The following LIPT2 variants were observed in gnomAD, a reference collection of about 807,000 sequenced individuals.
LIPT2 encodes lipoyl(octanoyl) transferase 2.
LIPT2 carries 16 observed loss-of-function variants against 16.2 expected under a neutral mutation model. The observed-to-expected ratio is 0.99, with a 90% CI of 0.67 to 1.50. The LOEUF (loss-of-function observed/expected upper bound fraction) is 1.50. Among genes scored for constraint, LIPT2 ranks in the 40% most tolerant of loss-of-function variants. The pLI, the probability that LIPT2 is intolerant of heterozygous loss-of-function variation, is 0.00. For synonymous variants in LIPT2, 199 were observed against 169.3 expected (o/e 1.18, Z -1.36); for missense variants, 424 against 347.7 (o/e 1.22, Z -1.75).
Position 74,491,652 on chromosome 11 carries a change from T to C in LIPT2, c.*483A>G, listed in dbSNP as rs139456875. ...AGAAGGTTCTTCCCTTTTCCCTTTA[T>C]TGCAGAAAGAACCCAGGTCTCTTGA... On this transcript the variant is annotated 3_prime_UTR_variant, in exon 2 of 2. Coordinates refer to ENST00000310109, the MANE Select transcript of LIPT2 (RefSeq NM_001144869.3). 221 of 154,772 alleles carry C rather than the reference T, an allele frequency of 1.4e-3. No homozygotes were observed. Among genetic ancestry groups the C allele is most frequent in the Non-Finnish European group, 1.9e-3 (129 of 69,662 alleles). 9.6% of individuals were successfully genotyped at this position (154,772 alleles called of 1,614,324 possible). A position where few individuals can be genotyped will look rare whatever the true frequency, so the allele number is the denominator to read the frequency against.
Position 74,493,630 on chromosome 11 carries a change from C to T in LIPT2, c.74G>A (p.Arg25His), listed in dbSNP as rs1470529729. Residue 25 changes from arginine to histidine, a missense_variant, in exon 1 of 2, where the codon CGC becomes CAC. Transcript: ENST00000310109. The stretch of plus-strand genomic sequence containing the variant: ...CTCGGCCTGCAGCCGCCGCAGCCAG[C>T]GGTCCTGCAGCCCCAGTAGCTCGGC... ...PYAELLGLQD[R>H]WLRRLQAEPG... The T allele has an allele frequency of 9.2e-5, 134 of 1,457,416 alleles. No individual in the cohort carries two copies. The highest frequency in any genetic ancestry group is 1.2e-4 in the Non-Finnish European group (129 of 1,110,978). The allele number at this position is 1,457,416 out of a possible 1,614,324, so 90.3% of individuals were successfully genotyped here.
Position 74,491,877 on chromosome 11 carries a change from G to T in LIPT2, c.*258C>A. 2.2e-6 allele frequency: 1 copy of T among 457,474 alleles called. No homozygotes were observed. Among genetic ancestry groups the T allele is most frequent in the Non-Finnish European group, 4.0e-6 (1 of 248,736 alleles). The allele number at this position is 457,474 out of a possible 1,614,324, so 28.3% of individuals were successfully genotyped here. A position where few individuals can be genotyped will look rare whatever the true frequency, so the allele number is the denominator to read the frequency against. ...ATCTGAATTTCTCTGAGACACTGCT[G>T]TCAATAGCAGTGCTAATGTTTTATA... On this transcript the variant is annotated 3_prime_UTR_variant, in exon 2 of 2. Coordinates refer to ENST00000310109, the MANE Select transcript of LIPT2 (RefSeq NM_001144869.3).
At chr11:74,492,539 G>A (rs1031418414) in intron 1 of LIPT2, among the ~76,000 whole-genome samples, 175 bp from the exon 2 acceptor site, 3 of 101,852 alleles carry the variant, frequency 2.9e-5, no homozygotes, top group African/African-American at 8.9e-5. Flanking sequence ...GAAGGGGTGC[G>A]TGGCTTCAAG....
Position 74,492,071 on chromosome 11 carries a change from AG to A in LIPT2, c.*63del. On this transcript the variant is annotated 3_prime_UTR_variant, in exon 2 of 2. Coordinates refer to ENST00000310109, the MANE Select transcript of LIPT2 (RefSeq NM_001144869.3). ...CCAGGTCTAAAATCTGGGTTTCAGT[AG>A]GTGACTCAAGTCAGACTTCATGCTT... 7.7e-7 allele frequency: 1 copy of A among 1,296,946 alleles called. No individual in the cohort carries two copies. The highest frequency in any genetic ancestry group is 1.1e-6 in the Non-Finnish European group (1 of 918,170). 80.3% of individuals were successfully genotyped at this position (1,296,946 alleles called of 1,614,324 possible).
chr11:74,493,650 C>T lies in LIPT2; in HGVS notation c.54G>A (p.Glu18=), dbSNP rs1336903624. 1.4e-6 allele frequency: 2 copies of T among 1,454,036 alleles called. No individual in the cohort carries two copies. The highest frequency in any genetic ancestry group is 2.6e-5 in the Admixed American group (1 of 38,566). 90.1% of individuals were successfully genotyped at this position (1,454,036 alleles called of 1,614,324 possible). ...GCCAGCGGTCCTGCAGCCCCAGTAG[C>T]TCGGCGTACGGCACCCGACCCAGGC... ...LVRLGRVPYA[E]LLGLQDRWLR... Residue 18 remains glutamate, a synonymous_variant, in exon 1 of 2, where the codon GAG becomes GAA. Coordinates refer to ENST00000310109, the MANE Select transcript of LIPT2 (RefSeq NM_001144869.3).
In LIPT2 at chr11:74,493,663, AC is replaced by A; in HGVS notation, c.40del (p.Val14CysfsTer52). The A allele has an allele frequency of 7.0e-7, 1 of 1,432,274 alleles. No individual in the cohort carries two copies. Among genetic ancestry groups the A allele is most frequent in the Non-Finnish European group, 9.1e-7 (1 of 1,098,626 alleles). The allele number at this position is 1,432,274 out of a possible 1,614,324, so 88.7% of individuals were successfully genotyped here. ...CAGCCCCAGTAGCTCGGCGTACGGC[AC>A]CCGACCCAGGCGCACCAACCGAACG... ...PAVRLVRLGR[V>X]PYAELLGLQD... On this transcript the variant is annotated frameshift_variant, in exon 1 of 2. Transcript: ENST00000310109. LOFTEE classifies it high-confidence loss of function.
Position 74,493,514 on chromosome 11 carries a change from C to T in LIPT2, c.190G>A (p.Gly64Ser). 3 of 1,423,668 alleles carry T rather than the reference C, an allele frequency of 2.1e-6. No homozygotes were observed. Among genetic ancestry groups the T allele is most frequent in the Middle Eastern group, 2.4e-4 (1 of 4,150 alleles). The allele number at this position is 1,423,668 out of a possible 1,614,324, so 88.2% of individuals were successfully genotyped here. ...CGCGCAGTTTCCTCGGGCGTCAGGC[C>T]GCCGCGCAGCCCGGCCGTATACACG... Reference protein sequence around the residue: ...GPVYTAGLRGGLTPEETARLR... With the variant: ...GPVYTAGLRGSLTPEETARLR... Residue 64 changes from glycine (G) to serine (S), a missense_variant, in exon 1 of 2, where the codon GGC (glycine) becomes AGC (serine). Coordinates refer to ENST00000310109, the MANE Select transcript of LIPT2 (RefSeq NM_001144869.3).
At position 74,493,675 on chromosome 11, in the gene LIPT2, C is replaced by T. The variant is rs556366788; in HGVS notation, c.29G>A (p.Arg10His). The T allele has an allele frequency of 2.8e-6, 4 of 1,411,758 alleles. No homozygotes were observed. Among genetic ancestry groups the T allele is most frequent in the Admixed American group, 3.2e-5 (1 of 31,634 alleles). 87.5% of individuals were successfully genotyped at this position (1,411,758 alleles called of 1,614,324 possible). A position where few individuals can be genotyped will look rare whatever the true frequency, so the allele number is the denominator to read the frequency against. The change falls in exon 1 of 2, where the codon CGC becomes CAC. Residue 10 changes from arginine (R) to histidine (H), a missense_variant. By Grantham distance (29) the Arg-to-His change is conservative. Coordinates refer to ENST00000310109, the MANE Select transcript of LIPT2 (RefSeq NM_001144869.3). ...CTCGGCGTACGGCACCCGACCCAGG[C>T]GCACCAACCGAACGGCGGGTTGCCG... MRQPAVRLV[R>H]LGRVPYAELL...
chr11:74,491,986 T>G lies in LIPT2; in HGVS notation c.*149A>C, dbSNP rs1864345568. On this transcript the variant is annotated 3_prime_UTR_variant, in exon 2 of 2. Transcript: ENST00000310109. ...AGATATAAATAAAACAGGATACATATGAAAATAGTGGCTCAGAGCTCATGG... is the reference window on the plus strand; with the variant it reads ...AGATATAAATAAAACAGGATACATAGGAAAATAGTGGCTCAGAGCTCATGG... 6.5e-6 allele frequency: 4 copies of G among 616,020 alleles called. No individual in the cohort carries two copies. The highest frequency in any genetic ancestry group is 1.2e-5 in the Non-Finnish European group (4 of 343,028). The allele number at this position is 616,020 out of a possible 1,614,324, so 38.2% of individuals were successfully genotyped here.
Position 74,491,935 on chromosome 11 carries a change from T to G in LIPT2, c.*200A>C. ...TGTTGCTTTTCACAGTATTGTCACA[T>G]CTAGTATCTCTGAGGTAGGTGGGGA... On this transcript the variant is annotated 3_prime_UTR_variant, in exon 2 of 2. Transcript: ENST00000310109. 1 of 579,096 alleles carries G rather than the reference T, an allele frequency of 1.7e-6. No homozygotes were observed. Among genetic ancestry groups the G allele is most frequent in the Non-Finnish European group, 3.1e-6 (1 of 322,698 alleles). The allele number at this position is 579,096 out of a possible 1,614,324, so 35.9% of individuals were successfully genotyped here.
At position 74,491,490 on chromosome 11, in the gene LIPT2, G is replaced by C. The variant is rs962236516; in HGVS notation, c.*645C>G. Among the ~76,000 whole-genome samples, 1 of 152,174 alleles carries C rather than the reference G, an allele frequency of 6.6e-6. No homozygotes were observed. The highest frequency in any genetic ancestry group is 1.5e-5 in the Non-Finnish European group (1 of 68,022). On this transcript the variant is annotated 3_prime_UTR_variant, in exon 2 of 2. Transcript: ENST00000310109. ...ATAAGAAAAACTCACTTCTATCTTT[G>C]GCATTTGTACAGTGTGAGAAATTAT...
rs1302274724 is a variant in LIPT2 at position 74,493,305 on chromosome 11, C to T, written c.399G>A (p.Gln133=). The T allele has an allele frequency of 1.4e-6, 2 of 1,441,638 alleles. No homozygotes were observed. The highest frequency in any genetic ancestry group is 9.1e-7 in the Non-Finnish European group (1 of 1,100,178). The allele number at this position is 1,441,638 out of a possible 1,614,324, so 89.3% of individuals were successfully genotyped here. A position where few individuals can be genotyped will look rare whatever the true frequency, so the allele number is the denominator to read the frequency against. ...AGGGCGGGGGCCGCGCGCGGGCGTC[C>T]TGCAGGCCCTGGAGCTCGCACAGGC... ...AVRLCELQGL[Q]DARARPPPYT... The change falls in exon 1 of 2, where the codon CAG becomes CAA. Residue 133 remains glutamine (Q), a synonymous_variant. Transcript: ENST00000310109.
In LIPT2 at chr11:74,493,512, G is replaced by T. The variant is rs1163313305; in HGVS notation, c.192C>A (p.Gly64=). 2.8e-6 allele frequency: 4 copies of T among 1,425,316 alleles called. No individual in the cohort carries two copies. Among genetic ancestry groups the T allele is most frequent in the Non-Finnish European group, 3.7e-6 (4 of 1,095,572 alleles). 88.3% of individuals were successfully genotyped at this position (1,425,316 alleles called of 1,614,324 possible). A position where few individuals can be genotyped will look rare whatever the true frequency, so the allele number is the denominator to read the frequency against. The change falls in exon 1 of 2, where the codon GGC becomes GGA. Residue 64 remains glycine, a synonymous_variant. Transcript: ENST00000310109. ...GPVYTAGLRG[G]LTPEETARLR... is the part of the protein sequence containing the mutation. ...GCCGCGCAGTTTCCTCGGGCGTCAG[G>T]CCGCCGCGCAGCCCGGCCGTATACA... is the stretch of plus-strand genomic sequence containing the variant.
rs923100915 is a variant in LIPT2 at position 74,493,338 on chromosome 11, G to A, written c.366C>T (p.Cys122=). Reference sequence around the variant, plus strand: ...CCTGGAGCTCGCACAGGCGCACGGCGCACGCCTCCAGCGACGCTACGTGCA... The same window carrying A: ...CCTGGAGCTCGCACAGGCGCACGGCACACGCCTCCAGCGACGCTACGTGCA... ...LRMHVASLEA[C]AVRLCELQGL... The change falls in exon 1 of 2, where the codon TGC becomes TGT. Residue 122 remains cysteine (C), a synonymous_variant. Coordinates refer to ENST00000310109, the MANE Select transcript of LIPT2 (RefSeq NM_001144869.3). 1.3e-6 allele frequency: 2 copies of A among 1,496,542 alleles called. No homozygotes were observed. The highest frequency in any genetic ancestry group is 2.7e-5 in the East Asian group (1 of 37,126). 92.7% of individuals were successfully genotyped at this position (1,496,542 alleles called of 1,614,324 possible). A position where few individuals can be genotyped will look rare whatever the true frequency, so the allele number is the denominator to read the frequency against.
rs1319289592 is a variant in LIPT2 at position 74,491,537 on chromosome 11, T to C, written c.*598A>G. Among the ~76,000 whole-genome samples the C allele has an allele frequency of 6.6e-6, 1 of 152,262 alleles. No individual in the cohort carries two copies. Among genetic ancestry groups the C allele is most frequent in the Admixed American group, 6.5e-5 (1 of 15,290 alleles). Reference sequence around the variant, plus strand: ...TTATTCTTATCCTTCCTCCAGTCTTTGGCCTAGCTCAGGGTAACCCAACTA... The same window carrying C: ...TTATTCTTATCCTTCCTCCAGTCTTCGGCCTAGCTCAGGGTAACCCAACTA... On this transcript the variant is annotated 3_prime_UTR_variant, in exon 2 of 2. Coordinates refer to ENST00000310109, the MANE Select transcript of LIPT2 (RefSeq NM_001144869.3).
Position 74,493,409 on chromosome 11 carries a change from A to G in LIPT2, c.295T>C (p.Cys99Arg). ...ATFHGPGQLL[C>R]HPVLDLRRLG... ...CGCCGCAGGTCGAGTACCGGGTGGC[A>G]AAGCAGCTGGCCCGGGCCGTGGAAG... The change falls in exon 1 of 2, where the codon TGC (cysteine) becomes CGC (arginine). Residue 99 changes from cysteine to arginine, a missense_variant. Physicochemically the swap from Cys to Arg is radical, Grantham distance 180. Coordinates refer to ENST00000310109, the MANE Select transcript of LIPT2 (RefSeq NM_001144869.3). 6.6e-7 allele frequency: 1 copy of G among 1,516,124 alleles called. No homozygotes were observed. The highest frequency in any genetic ancestry group is 8.8e-7 in the Non-Finnish European group (1 of 1,139,214). The allele number at this position is 1,516,124 out of a possible 1,614,324, so 93.9% of individuals were successfully genotyped here.
chr11:74,492,293 C>T lies in LIPT2; in HGVS notation c.538G>A (p.Glu180Lys). ...LNCSTDLTWF[E>K]HIVPCGLVGT... ...ACCAGTCCACAGGGCACGATGTGCTCAAACCACGTGAGGTCGGTAGAGCAG... is the reference window on the plus strand; with the variant it reads ...ACCAGTCCACAGGGCACGATGTGCTTAAACCACGTGAGGTCGGTAGAGCAG... Residue 180 changes from glutamate (E) to lysine (K), a missense_variant, in exon 2 of 2, where the codon GAG becomes AAG. Physicochemically the swap from Glu to Lys is moderately conservative, Grantham distance 56. Transcript: ENST00000310109. 6.4e-7 allele frequency: 1 copy of T among 1,551,784 alleles called. No individual in the cohort carries two copies. Among genetic ancestry groups the T allele is most frequent in the East Asian group, 2.4e-5 (1 of 40,914 alleles).
Position 74,490,929 on chromosome 11 carries a change from C to G in LIPT2, c.*1206G>C, listed in dbSNP as rs1435198309. 2.6e-5 allele frequency among the ~76,000 whole-genome samples: 4 copies of G among 152,188 alleles called. No individual in the cohort carries two copies. Among genetic ancestry groups the G allele is most frequent in the African/African-American group, 9.7e-5 (4 of 41,438 alleles). ...CGAGGCTCTTTCCACTCTTAATAGG[C>G]TGTGGTGGCCATTCTTCAAGATGGC... On this transcript the variant is annotated 3_prime_UTR_variant, in exon 2 of 2. Coordinates refer to ENST00000310109, the MANE Select transcript of LIPT2 (RefSeq NM_001144869.3).
At position 74,493,446 on chromosome 11, in the gene LIPT2, A is replaced by T; in HGVS notation, c.258T>A (p.Gly86=). 6.7e-7 allele frequency: 1 copy of T among 1,496,166 alleles called. No individual in the cohort carries two copies. Among genetic ancestry groups the T allele is most frequent in the African/African-American group, 1.5e-5 (1 of 68,824 alleles). The allele number at this position is 1,496,166 out of a possible 1,614,324, so 92.7% of individuals were successfully genotyped here. Residue 86 remains glycine (G), a synonymous_variant, in exon 1 of 2, where the codon GGT becomes GGA. Transcript: ENST00000310109. ...CCGGGCCGTGGAAGGTGGCCAGGCC[A>T]CCGCGGCCTGTGACGCGCACCTCGG... ...LGAEVRVTGR[G]GLATFHGPGQ...
Sources: allele counts gnomAD v4.1 joint callset (sites outside exome capture counted in the v4.1 genomes callset), GRCh38; gene constraint gnomAD v4.1.1; transcripts MANE v1.5; gene names NCBI Gene and HGNC (gene_info 2026-07-23, HGNC 2026-07-21).